The following MAP2K6 variants were observed in gnomAD, a reference collection of about 807,000 sequenced individuals.
MAP2K6 encodes the protein dual specificity mitogen-activated protein kinase kinase 6.
Under a neutral mutation model 53.7 loss-of-function variants are expected in MAP2K6, and 16 were observed. The ratio of observed to expected loss-of-function variants is 0.30; its 90% CI spans 0.20 to 0.45. The LOEUF (loss-of-function observed/expected upper bound fraction) is 0.45. Ranked by LOEUF, MAP2K6 falls within the 20% of genes least tolerant of loss-of-function variation. MAP2K6 has a pLI of 1.00. For synonymous variants in MAP2K6, 132 were observed against 143.1 expected (o/e 0.92, Z 0.55); for missense variants, 204 against 411.9 (o/e 0.50, Z 4.37).
At chr17:69,438,356 A>G (rs1334358144) in intron 1 of MAP2K6, among the ~76,000 whole-genome samples, 1 of 152,230 alleles carries the variant, frequency 6.6e-6, no homozygotes, top group Non-Finnish European at 1.5e-5. Context: ...CCTTCTGCTA[A>G]GCTCATTTAC....
At chr17:69,508,927 T>C (rs1462385384) in intron 2 of MAP2K6, among the ~76,000 whole-genome samples, 1 of 152,260 alleles carries the variant, frequency 6.6e-6, no homozygotes, top group Non-Finnish European at 1.5e-5. Flanking sequence ...GCATATTTGT[T>C]TGAAGTTATT....
intron 1 of MAP2K6, among the ~76,000 whole-genome samples, chr17:69,499,291 A>G (rs1040451327): frequency 2.6e-5 from 4 of 152,244 alleles, no homozygotes; most frequent in African/African-American, 9.6e-5. Context: ...TATTTTAAAA[A>G]TGTAAGCGTA....
rs986719068 is a variant in MAP2K6, at chr17:69,553,651, A to G, written c.*11898A>G. 1 of 152,248 alleles carries G rather than the reference A, an allele frequency of 6.6e-6. No individual in the cohort carries two copies. The highest frequency in any genetic ancestry group is 2.4e-5 in the African/African-American group (1 of 41,472). The allele number at this position is 152,248 out of a possible 1,614,324, so 9.4% of individuals were successfully genotyped here. A position where few individuals can be genotyped will look rare whatever the true frequency, so the allele number is the denominator to read the frequency against. On this transcript the variant is annotated 3_prime_UTR_variant, in exon 12 of 12. Coordinates refer to ENST00000590474, the MANE Select transcript of MAP2K6 (RefSeq NM_002758.4). Reference sequence around the variant, plus strand: ...GTTGTGTTCAATGTTGTGTCAATCTACAAACTGACTCAAACAACAGTTTAA... The same window carrying G: ...GTTGTGTTCAATGTTGTGTCAATCTGCAAACTGACTCAAACAACAGTTTAA...
intron 10 of MAP2K6, among the ~76,000 whole-genome samples, chr17:69,534,229 C>G (rs367838970): frequency 4.6e-5 from 7 of 152,302 alleles, no homozygotes; most frequent in South Asian, 2.1e-4. Context: ...CTCTCAGCAT[C>G]TAGGTACCTA....
At position 69,550,669 on chromosome 17, in the gene MAP2K6, G is replaced by A. The variant is rs1169006239; in HGVS notation, c.*8916G>A. ...AGCTGTGGTTTTCAGACCATATTCA[G>A]TGGTGCCCCTGAGGGTCTCTTGTGA... On this transcript the variant is annotated 3_prime_UTR_variant, in exon 12 of 12. Transcript: ENST00000590474. 1 of 152,164 alleles carries A rather than the reference G, an allele frequency of 6.6e-6. No individual in the cohort carries two copies. Among genetic ancestry groups the A allele is most frequent in the East Asian group, 1.9e-4 (1 of 5,198 alleles). 9.4% of individuals were successfully genotyped at this position (152,164 alleles called of 1,614,324 possible).
chr17:69,522,834 T>C (rs894979652), intron 7 of MAP2K6, among the ~76,000 whole-genome samples: 6 of 149,760 alleles, frequency 4.0e-5, no homozygotes, highest in Non-Finnish European at 5.9e-5. Context: ...GTGGGAGGAC[T>C]GCTTGAGGCC....
At position 69,455,784 on chromosome 17, in the gene MAP2K6, T is replaced by C. The variant is rs890209841; in HGVS notation, c.16+40784T>C. On this transcript the variant is annotated intron_variant, in intron 1 of 11. Transcript: ENST00000590474. ...TTGGAGCTTAAGTTCTAAAAACTGA[T>C]TTGTTTAGTTATAGCATGACCAACC... is the stretch of plus-strand genomic sequence containing the variant. 2.0e-5 allele frequency among the ~76,000 whole-genome samples: 3 copies of C among 151,964 alleles called. No individual in the cohort carries two copies. In the East Asian group the frequency reaches 5.8e-4, roughly 29 times the overall value.
In MAP2K6 at chr17:69,543,322, C is replaced by G. The variant is rs1348376214; in HGVS notation, c.*1569C>G. 6.6e-6 allele frequency: 1 copy of G among 152,034 alleles called. No individual in the cohort carries two copies. The highest frequency in any genetic ancestry group is 1.9e-4 in the East Asian group (1 of 5,182). The allele number at this position is 152,034 out of a possible 1,614,324, so 9.4% of individuals were successfully genotyped here. On this transcript the variant is annotated 3_prime_UTR_variant, in exon 12 of 12. Coordinates refer to ENST00000590474, the MANE Select transcript of MAP2K6 (RefSeq NM_002758.4). ...GCTTCCCTGAATCCTCTCTTCCTTC[C>G]CCTTTTAGATTTTGAAGTGCAATCA...
At chr17:69,493,763 G>GA in intron 1 of MAP2K6, among the ~76,000 whole-genome samples, 1 of 99,328 alleles carries the variant, frequency 1.0e-5, no homozygotes, top group Non-Finnish European at 2.3e-5. Flanking sequence ...TCCATCTCAA[G>GA]AAAAAAGAAA....
chr17:69,504,809 C>T (rs1013383834), intron 1 of MAP2K6, among the ~76,000 whole-genome samples: 3 of 152,116 alleles, frequency 2.0e-5, no homozygotes, highest in African/African-American at 7.2e-5. Flanking sequence ...GTTACCTTTC[C>T]ATTTGGCCCA....
chr17:69,501,300 C>T (rs114147972), intron 1 of MAP2K6, among the ~76,000 whole-genome samples: 198 of 152,262 alleles, frequency 1.3e-3, no homozygotes, highest in African/African-American at 4.0e-3. Context: ...TTCTGTTGAC[C>T]GCGTGGGCTT....
intron 11 of MAP2K6, among the ~76,000 whole-genome samples, chr17:69,541,467 T>G (rs2144874918): frequency 6.6e-6 from 1 of 152,178 alleles, no homozygotes; most frequent in Non-Finnish European, 1.5e-5. Flanking sequence ...CCTAGAGATA[T>G]CAAGATGGAA....
At chr17:69,502,199 C>T (rs755342046) in intron 1 of MAP2K6, 41 of 985,308 alleles carry the variant, frequency 4.2e-5, no homozygotes, top group Admixed American at 1.2e-4. Context: ...GCAATTTCCT[C>T]GGAACAATGA....
chr17:69,545,197 G>A lies in MAP2K6; in HGVS notation c.*3444G>A, dbSNP rs548203311. 1 of 151,010 alleles carries A rather than the reference G, an allele frequency of 6.6e-6. No homozygotes were observed. Among genetic ancestry groups the A allele is most frequent in the African/African-American group, 2.4e-5 (1 of 41,076 alleles). 9.4% of individuals were successfully genotyped at this position (151,010 alleles called of 1,614,324 possible). A position where few individuals can be genotyped will look rare whatever the true frequency, so the allele number is the denominator to read the frequency against. On this transcript the variant is annotated 3_prime_UTR_variant, in exon 12 of 12. Transcript: ENST00000590474. ...CAAAGTGCATGATTATTTTTAACCAGAGTCATTCTTCCACCAGAATAAGTG... is the reference window on the plus strand; with the variant it reads ...CAAAGTGCATGATTATTTTTAACCAAAGTCATTCTTCCACCAGAATAAGTG...
At chr17:69,538,096 G>C (rs12603427) in intron 11 of MAP2K6, among the ~76,000 whole-genome samples, 30,551 of 151,928 alleles carry the variant, frequency 0.2, 3,549 homozygotes, top group African/African-American at 0.32. Flanking sequence ...TCTCGAAGTC[G>C]TGGGCTCAAA....
At chr17:69,485,813 C>A (rs72861370) in intron 1 of MAP2K6, among the ~76,000 whole-genome samples, 14,656 of 152,170 alleles carry the variant, frequency 0.096, 1,109 homozygotes, top group East Asian at 0.38. Context: ...CTCTTTTGAC[C>A]CTTTCCCTCA....
intron 1 of MAP2K6, among the ~76,000 whole-genome samples, chr17:69,503,662 A>G (rs1251768237): frequency 6.6e-6 from 1 of 152,176 alleles, no homozygotes; most frequent in African/African-American, 2.4e-5. Context: ...TTCATTATAC[A>G]TTATAGTGGG....
chr17:69,482,155 C>T lies in MAP2K6; in HGVS notation c.17-23625C>T, dbSNP rs188992581. Among the ~76,000 whole-genome samples, 117 of 152,184 alleles carry T rather than the reference C, an allele frequency of 7.7e-4. 2 individuals are homozygous for T. The East Asian group carries it at 0.017, about 22-fold the overall frequency. On this transcript the variant is annotated intron_variant, in intron 1 of 11. Coordinates refer to ENST00000590474, the MANE Select transcript of MAP2K6 (RefSeq NM_002758.4). ...TTAGGCAACTTATGTCTTCAAGTTT[C>T]TGGTTAGCATCAGATTCAGAAAAAT...
intron 1 of MAP2K6, chr17:69,485,421 T>C (rs1220543630): frequency 1.0e-6 from 1 of 965,286 alleles, no homozygotes; most frequent in Admixed American, 6.2e-5. Context: ...CCTGTTTGAA[T>C]TTTCTCTTAT....
Sources: gnomAD v4.1 joint callset for allele counts (sites outside exome capture counted in the v4.1 genomes callset) on GRCh38, gnomAD v4.1.1 for gene constraint, MANE v1.5 for transcripts, NCBI Gene and HGNC (gene_info 2026-07-23, HGNC 2026-07-21) for gene names.